Variants in CPT1A observed in about 807,000 individuals in gnomAD.
CPT1A encodes carnitine palmitoyltransferase 1A, also known as carnitine O-palmitoyltransferase 1, liver isoform.
CPT1A carries 64 observed loss-of-function variants against 100.8 expected under a neutral mutation model. The observed-to-expected ratio is 0.63, with a 90% CI of 0.52 to 0.78. The LOEUF is 0.78. Among genes scored for constraint, CPT1A ranks in the 30% least tolerant of loss-of-function variants. The probability of loss-of-function intolerance (pLI) is 0.00; values close to 1 mark genes in which losing one functional copy is unlikely to be tolerated. For synonymous variants in CPT1A, 363 were observed against 396.0 expected, an observed-to-expected ratio of 0.92 and a Z score of 0.99; for missense variants, 802 against 1,034.1, an observed-to-expected ratio of 0.78 and a Z score of 3.08.
chr11:68,821,502 C>T (rs1445126935), intron 1 of CPT1A, among the ~76,000 whole-genome samples: 2 of 152,090 alleles, frequency 1.3e-5, no homozygotes, highest in African/African-American at 2.4e-5. Context: ...GTTGGCCAGG[C>T]TGGTCTCAAA....
chr11:68,830,581 A>T (rs1856851380), intron 1 of CPT1A, among the ~76,000 whole-genome samples: 1 of 152,126 alleles, frequency 6.6e-6, no homozygotes, highest in Non-Finnish European at 1.5e-5. Flanking sequence ...AATTGTCACA[A>T]ATCCGCTGTC....
chr11:68,754,800 G>A (rs368650100), downstream of CPT1A: 20 of 780,900 alleles, frequency 2.6e-5, no homozygotes, highest in African/African-American at 3.4e-4. Flanking sequence ...CATATGCTGA[G>A]ACTTTCCACT....
chr11:68,806,018 ATTTTTT>A (rs539379303), intron 4 of CPT1A, among the ~76,000 whole-genome samples: 7 of 139,210 alleles, frequency 5.0e-5, no homozygotes, highest in Non-Finnish European at 1.1e-4. Context: ...AAGCCCATAA[ATTTTTT>A]TTTTTTTTTT....
At chr11:68,763,987 G>A (rs1426065476) in intron 14 of CPT1A, among the ~76,000 whole-genome samples, 1 of 152,082 alleles carries the variant, frequency 6.6e-6, no homozygotes, top group African/African-American at 2.4e-5. Context: ...AAAAGGGAGG[G>A]CAGGGAGGGA....
intron 4 of CPT1A, among the ~76,000 whole-genome samples, chr11:68,805,558 C>T (rs1856018997): frequency 6.6e-6 from 1 of 152,094 alleles, no homozygotes; most frequent in African/African-American, 2.4e-5. Context: ...GAGGTTGGGA[C>T]AGCAGCCCAG....
rs1946712843 is a variant in CPT1A, at chr11:68,757,423, C to T, written c.*221G>A. On this transcript the variant is annotated 3_prime_UTR_variant, in exon 19 of 19. Coordinates refer to ENST00000265641, the MANE Select transcript of CPT1A (RefSeq NM_001876.4). ...GCGGAGACATCAGGGGAGACTTTAT[C>T]AGATGTCCCCCAAGGGAGGGCAAGT... 4.2e-6 allele frequency: 6 copies of T among 1,420,620 alleles called. No homozygotes were observed. The East Asian group carries it at 1.3e-4, about 31-fold the overall frequency. 88.0% of individuals were successfully genotyped at this position (1,420,620 alleles called of 1,614,324 possible). A position where few individuals can be genotyped will look rare whatever the true frequency, so the allele number is the denominator to read the frequency against.
At chr11:68,760,390 CAGGA>C (rs1946782248) in intron 16 of CPT1A, 52 bp from the exon 17 acceptor site, 3 of 1,437,700 alleles carry the variant, frequency 2.1e-6, no homozygotes, top group Non-Finnish European at 2.9e-6. Context: ...TACCGTCCCT[CAGGA>C]GTCGCTTTGG....
intron 13 of CPT1A, 140 bp downstream of exon 13, chr11:68,775,176 G>A (rs1855109141): frequency 1.4e-6 from 1 of 727,240 alleles, no homozygotes; most frequent in Non-Finnish European, 2.4e-6. Context: ...GGAACTCCCT[G>A]AGCAAACAAC....
chr11:68,829,558 AG>A (rs1476338512), intron 1 of CPT1A, among the ~76,000 whole-genome samples: 2 of 152,248 alleles, frequency 1.3e-5, no homozygotes, highest in African/African-American at 2.4e-5. Context: ...AAAAGTTAAA[AG>A]GAAGAAATGA....
intron 3 of CPT1A, among the ~76,000 whole-genome samples, chr11:68,812,079 T>A (rs1198181167): frequency 6.6e-6 from 1 of 152,112 alleles, no homozygotes; most frequent in South Asian, 2.1e-4. Flanking sequence ...TGCAAAGAAA[T>A]GACTACATGG....
At chr11:68,767,719 C>T (rs1854848898) in intron 14 of CPT1A, among the ~76,000 whole-genome samples, 1 of 152,188 alleles carries the variant, frequency 6.6e-6, no homozygotes. Flanking sequence ...GAAAGGATTA[C>T]ACTGAAAGCT....
chr11:68,777,283 A>G (rs537615841), intron 12 of CPT1A, among the ~76,000 whole-genome samples: 22 of 152,160 alleles, frequency 1.4e-4, no homozygotes, highest in African/African-American at 5.1e-4. Context: ...TACAAAAATC[A>G]GCTGGGCGTG....
intron 5 of CPT1A, among the ~76,000 whole-genome samples, chr11:68,800,239 T>A (rs1177127784): frequency 6.6e-6 from 1 of 152,174 alleles, no homozygotes; most frequent in African/African-American, 2.4e-5. Flanking sequence ...CTCGTCCTTT[T>A]ACATGTGCTA....
chr11:68,773,001 A>C (rs1855032305), intron 14 of CPT1A, among the ~76,000 whole-genome samples: 1 of 152,130 alleles, frequency 6.6e-6, no homozygotes, highest in Non-Finnish European at 1.5e-5. Flanking sequence ...GAGTGATGAG[A>C]TCTCACTTTG....
chr11:68,761,748 C>A, intron 15 of CPT1A, 61 bp from the exon 16 acceptor site: 1 of 1,583,486 alleles, frequency 6.3e-7, no homozygotes, highest in South Asian at 1.1e-5. Flanking sequence ...AGTTACGGAT[C>A]TAAGTTAGCC....
At chr11:68,777,606 G>A (rs1379101601) in intron 12 of CPT1A, among the ~76,000 whole-genome samples, 1 of 152,138 alleles carries the variant, frequency 6.6e-6, no homozygotes, top group Admixed American at 6.5e-5. Context: ...CCTGTCTGCT[G>A]GACGCTAACA....
At chr11:68,822,721 T>TATAATGTGGAATA (rs1856617457) in intron 1 of CPT1A, among the ~76,000 whole-genome samples, 1 of 152,068 alleles carries the variant, frequency 6.6e-6, no homozygotes, top group Non-Finnish European at 1.5e-5. Context: ...TATAATGTGG[T>TATAATGTGGAATA]CCATCCATAC....
intron 18 of CPT1A, 90 bp downstream of exon 18, chr11:68,759,479 T>G (rs1946759210): frequency 1.1e-6 from 1 of 898,462 alleles, no homozygotes. Flanking sequence ...TTGAATTGAC[T>G]TTTTCTGTCA....
intron 1 of CPT1A, among the ~76,000 whole-genome samples, chr11:68,833,722 G>A (rs917865945): frequency 6.6e-6 from 1 of 150,854 alleles, no homozygotes; most frequent in East Asian, 1.9e-4. Context: ...CAACAAGAGC[G>A]AAACTCCATC....
Sources: gnomAD v4.1 joint callset for allele counts (sites outside exome capture counted in the v4.1 genomes callset) on GRCh38, gnomAD v4.1.1 for gene constraint, MANE v1.5 for transcripts, NCBI Gene and HGNC (gene_info 2026-07-23, HGNC 2026-07-21) for gene names.